The following SLC35F1 variants were observed in gnomAD, a reference collection of about 807,000 sequenced individuals.
The protein encoded by SLC35F1 is chromosome 6 open reading frame 169.
SLC35F1 carries 14 observed loss-of-function variants against 48.7 expected under a neutral mutation model. The observed-to-expected ratio is 0.29, with a 90% CI of 0.19 to 0.45. SLC35F1 has a LOEUF of 0.45. Among genes scored for constraint, SLC35F1 ranks in the 20% least tolerant of loss-of-function variants. The pLI is 1.00. For missense variants in SLC35F1, 404 were observed against 500.0 expected, an observed-to-expected ratio of 0.81 and a Z score of 1.83; for synonymous variants, 190 against 202.2, an observed-to-expected ratio of 0.94 and a Z score of 0.51.
intron 1 of SLC35F1, among the ~76,000 whole-genome samples, chr6:117,939,025 T>TC (rs71272363): frequency 1.1e-4 from 17 of 150,422 alleles, no homozygotes; most frequent in Non-Finnish European, 2.5e-4. Flanking sequence ...TTTTTTTTTT[T>TC]CCGGAGACAG....
intron 4 of SLC35F1, among the ~76,000 whole-genome samples, chr6:118,268,096 A>C (rs755053813): frequency 6.6e-5 from 10 of 152,200 alleles, no homozygotes; most frequent in Non-Finnish European, 1.0e-4. Flanking sequence ...AAACAATGTC[A>C]TGTATGTTGT....
intron 7 of SLC35F1, among the ~76,000 whole-genome samples, chr6:118,309,334 C>G (rs1473375423): frequency 6.6e-6 from 1 of 151,980 alleles, no homozygotes; most frequent in African/African-American, 2.4e-5. Context: ...CATTACCACA[C>G]CAGGCTAGGA....
intron 2 of SLC35F1, among the ~76,000 whole-genome samples, chr6:118,233,385 C>T (rs115866162): frequency 0.014 from 2,061 of 152,284 alleles, 56 homozygotes; most frequent in African/African-American, 0.046. Flanking sequence ...GTCAGAGAGG[C>T]AGAAGAGCTG....
chr6:118,012,326 G>GAA lies in SLC35F1; in HGVS notation c.173+104440_173+104441dup, dbSNP rs11395051. Among the ~76,000 whole-genome samples the GAA allele has an allele frequency of 3.9e-3, 530 of 137,250 alleles. 5 individuals are homozygous for GAA. Among genetic ancestry groups the GAA allele is most frequent in the African/African-American group, 0.012 (436 of 35,916 alleles). 90.0% of individuals were successfully genotyped at this position (137,250 alleles called of 152,430 possible). On this transcript the variant is annotated intron_variant, in intron 1 of 7. Transcript: ENST00000360388. Reference sequence around the variant, plus strand: ...ACAGCATGCAGGGACAATAAATGGGGAAAAAAAAAAAAAAGAAAAACTAAA... The same window carrying GAA: ...ACAGCATGCAGGGACAATAAATGGGGAAAAAAAAAAAAAAAAGAAAAACTAAA...
chr6:118,245,612 G>T (rs1160450996), intron 3 of SLC35F1, among the ~76,000 whole-genome samples: 3 of 152,168 alleles, frequency 2.0e-5, no homozygotes, highest in Non-Finnish European at 2.9e-5. Context: ...AGATGTGAAT[G>T]CATTTGGTTT....
chr6:118,054,123 G>A (rs1460458602), intron 1 of SLC35F1, among the ~76,000 whole-genome samples: 1 of 152,110 alleles, frequency 6.6e-6, no homozygotes, highest in African/African-American at 2.4e-5. Flanking sequence ...TGTATTGTTT[G>A]GAGTCTTGAT....
chr6:118,067,455 A>T (rs559784374), intron 1 of SLC35F1, among the ~76,000 whole-genome samples: 1 of 152,340 alleles, frequency 6.6e-6, no homozygotes, highest in East Asian at 1.9e-4. Context: ...TGCAGAACAT[A>T]CCACAAGAAA....
intron 2 of SLC35F1, among the ~76,000 whole-genome samples, chr6:118,165,191 G>C (rs1774299686): frequency 6.6e-6 from 1 of 152,174 alleles, no homozygotes; most frequent in Non-Finnish European, 1.5e-5. Context: ...GCTTGTTCTA[G>C]AGTTTTCATC....
At chr6:118,243,527 G>A (rs2114594269) in intron 3 of SLC35F1, among the ~76,000 whole-genome samples, 1 of 152,302 alleles carries the variant, frequency 6.6e-6, no homozygotes, top group Admixed American at 6.5e-5. Flanking sequence ...GCAACCGACA[G>A]CTACGTTAAC....
Position 118,295,634 on chromosome 6 carries a change from A to G in SLC35F1, c.1002+10296A>G, listed in dbSNP as rs78079698. On this transcript the variant is annotated intron_variant, in intron 7 of 7. Coordinates refer to ENST00000360388, the MANE Select transcript of SLC35F1 (RefSeq NM_001029858.4). ...TCAACCTGTGGCAGCTGATGAGCAT[A>G]ATAAAAGCAATACTTCACTTCTTAT... Among the ~76,000 whole-genome samples, 64 of 152,308 alleles carry G rather than the reference A, an allele frequency of 4.2e-4. No homozygotes were observed. The East Asian group carries it at 0.012, about 28-fold the overall frequency.
intron 1 of SLC35F1, among the ~76,000 whole-genome samples, chr6:117,991,445 TAATTA>T (rs1776918699): frequency 2.0e-5 from 3 of 152,352 alleles, no homozygotes; most frequent in Middle Eastern, 3.4e-3. Flanking sequence ...ATAAATTTTG[TAATTA>T]AATTAGAGTA....
At chr6:117,908,038 G>A (rs1775715986) in intron 1 of SLC35F1, 139 bp downstream of exon 1, 4 of 863,646 alleles carry the variant, frequency 4.6e-6, no homozygotes, top group African/African-American at 1.8e-5. Flanking sequence ...ATCGGGCGAC[G>A]ACGCGCTCCG....
At chr6:118,119,223 A>G (rs1773517837) in intron 1 of SLC35F1, among the ~76,000 whole-genome samples, 1 of 152,152 alleles carries the variant, frequency 6.6e-6, no homozygotes. Context: ...ATACCCAATG[A>G]CGTAAAATAA....
At chr6:118,138,454 A>T (rs879422669) in intron 1 of SLC35F1, among the ~76,000 whole-genome samples, 1 of 152,200 alleles carries the variant, frequency 6.6e-6, no homozygotes, top group African/African-American at 2.4e-5. Flanking sequence ...AACCTATGTT[A>T]TCTATCTCTC....
intron 7 of SLC35F1, among the ~76,000 whole-genome samples, chr6:118,291,586 C>G (rs1276500478): frequency 6.6e-6 from 1 of 152,104 alleles, no homozygotes; most frequent in Non-Finnish European, 1.5e-5. Context: ...TTGGTTAAAC[C>G]TGTATAAACA....
At chr6:118,033,613 G>GTT (rs11350721) in intron 1 of SLC35F1, among the ~76,000 whole-genome samples, 1 of 145,020 alleles carries the variant, frequency 6.9e-6, no homozygotes, top group Non-Finnish European at 1.5e-5. Context: ...ATTCACACTA[G>GTT]TTTTTTTTTT....
intron 1 of SLC35F1, among the ~76,000 whole-genome samples, chr6:118,001,795 T>C (rs1777100688): frequency 2.0e-5 from 3 of 152,018 alleles, no homozygotes; most frequent in African/African-American, 7.2e-5. Context: ...GCGAAGGATA[T>C]GAACAGACGC....
At chr6:118,290,757 T>G (rs1776110630) in intron 7 of SLC35F1, among the ~76,000 whole-genome samples, 1 of 151,202 alleles carries the variant, frequency 6.6e-6, no homozygotes, top group South Asian at 2.1e-4. Flanking sequence ...GGCCCCCAGG[T>G]TTCCCACCAC....
At chr6:117,912,706 C>G (rs1020066740) in intron 1 of SLC35F1, among the ~76,000 whole-genome samples, 3 of 152,102 alleles carry the variant, frequency 2.0e-5, no homozygotes, top group Non-Finnish European at 4.4e-5. Flanking sequence ...CTGAAGGGTG[C>G]ATTTGTTTTT....
Sources: allele counts gnomAD v4.1 joint callset (sites outside exome capture counted in the v4.1 genomes callset), GRCh38; gene constraint gnomAD v4.1.1; transcripts MANE v1.5; gene names NCBI Gene and HGNC (gene_info 2026-07-23, HGNC 2026-07-21).